QRSL1: variants seen among roughly 807,000 people sequenced by gnomAD.
QRSL1 encodes the protein glutaminyl-tRNA amidotransferase subunit QRSL1.
A neutral mutation model predicts 61.6 loss-of-function variants in QRSL1; 54 were observed. The observed-to-expected ratio is 0.88, with a 90% CI of 0.70 to 1.10. The LOEUF (loss-of-function observed/expected upper bound fraction) is 1.10, where lower values mean the gene tolerates loss of function less well. Ranked by LOEUF, QRSL1 falls within the 50% of genes least tolerant of loss-of-function variation. QRSL1 has a pLI of 0.00. For synonymous variants in QRSL1, 228 were observed against 225.7 expected (o/e 1.01, Z -0.09); for missense variants, 505 against 622.6 (o/e 0.81, Z 2.01).
intron 10 of QRSL1, among the ~76,000 whole-genome samples, 182 bp downstream of exon 10, chr6:106,663,367 T>TG (rs1417592999): frequency 6.6e-6 from 1 of 152,200 alleles, no homozygotes; most frequent in African/African-American, 2.4e-5. Context: ...AAGAAATACC[T>TG]GAGACTGGAT....
intron 1 of QRSL1, among the ~76,000 whole-genome samples, chr6:106,638,846 T>C (rs576604804): frequency 7.2e-5 from 11 of 152,292 alleles, no homozygotes; most frequent in African/African-American, 2.6e-4. Flanking sequence ...ATTTACTCAG[T>C]AGCTAAGAGC....
At chr6:106,651,218 G>A (rs534195319) in intron 5 of QRSL1, among the ~76,000 whole-genome samples, 13 of 151,968 alleles carry the variant, frequency 8.6e-5, no homozygotes, top group African/African-American at 2.2e-4. Context: ...CTCCAGGTCC[G>A]TTTTTTGTTT....
At chr6:106,662,504 T>C (rs536933765) in intron 9 of QRSL1, among the ~76,000 whole-genome samples, 87 of 144,142 alleles carry the variant, frequency 6.0e-4, no homozygotes, top group Middle Eastern at 3.5e-3. Flanking sequence ...TTTTTTTTTT[T>C]CCCTAAACAA....
intron 7 of QRSL1, 194 bp downstream of exon 7, chr6:106,652,776 C>A: frequency 6.7e-7 from 1 of 1,494,938 alleles, no homozygotes; most frequent in South Asian, 1.4e-5. Context: ...ATACTGACTT[C>A]AGAGAGGTTT....
intron 2 of QRSL1, 103 bp from the exon 3 acceptor site, chr6:106,640,720 A>G (rs563755808): frequency 2.7e-6 from 3 of 1,131,160 alleles, no homozygotes; most frequent in African/African-American, 3.1e-5. Context: ...TTTTCTGAAG[A>G]AGTATCTTTG....
chr6:106,655,058 T>G, intron 8 of QRSL1, 136 bp downstream of exon 8: 1 of 821,752 alleles, frequency 1.2e-6, no homozygotes, highest in Non-Finnish European at 1.9e-6. Flanking sequence ...TCATTTTACC[T>G]TTGTCATTTT....
intron 1 of QRSL1, among the ~76,000 whole-genome samples, chr6:106,639,603 T>C (rs1427326577): frequency 1.3e-5 from 2 of 152,244 alleles, no homozygotes; most frequent in Non-Finnish European, 2.9e-5. Context: ...TTTTACTTAT[T>C]GTTATTCATC....
chr6:106,640,598 A>G (rs1777002316), intron 2 of QRSL1, 90 bp downstream of exon 2: 1 of 1,223,536 alleles, frequency 8.2e-7, no homozygotes, highest in African/African-American at 1.5e-5. Context: ...GAAGCTTTAA[A>G]CATAAACCAT....
intron 4 of QRSL1, among the ~76,000 whole-genome samples, chr6:106,644,954 C>T (rs1215940092): frequency 1.3e-5 from 2 of 152,150 alleles, no homozygotes; most frequent in Admixed American, 6.5e-5. Context: ...ATTTATTCAA[C>T]ATATGGATGT....
chr6:106,636,603 G>A (rs552957028), intron 1 of QRSL1, among the ~76,000 whole-genome samples: 141 of 152,278 alleles, frequency 9.3e-4, no homozygotes, highest in African/African-American at 3.1e-3. Context: ...ACAGGCATGA[G>A]CCACCGCGCC....
intron 9 of QRSL1, among the ~76,000 whole-genome samples, chr6:106,656,041 A>G (rs1206388185): frequency 6.6e-6 from 1 of 152,256 alleles, no homozygotes; most frequent in Non-Finnish European, 1.5e-5. Context: ...ATAAAAAGTA[A>G]TACAAATTAA....
Position 106,636,571 on chromosome 6 carries a change from G to A in QRSL1, c.25-3778G>A, listed in dbSNP as rs941714551. ...CTTGACCTTGTAATCTGCCCGCCTT[G>A]GCCTCCCAAAGTGCTGGGATTACAG... On this transcript the variant is annotated intron_variant, in intron 1 of 10. Transcript: ENST00000369046. 1.4e-4 allele frequency among the ~76,000 whole-genome samples: 22 copies of A among 152,022 alleles called. 1 individual carries two copies. The highest frequency in any genetic ancestry group is 7.7e-4 in the East Asian group (4 of 5,190).
chr6:106,636,513 G>T (rs546975401), intron 1 of QRSL1, among the ~76,000 whole-genome samples: 4 of 152,126 alleles, frequency 2.6e-5, no homozygotes, highest in Non-Finnish European at 5.9e-5. Flanking sequence ...TAGAGACGGG[G>T]TTTCACCGTG....
chr6:106,636,981 C>T (rs1042841888), intron 1 of QRSL1, among the ~76,000 whole-genome samples: 3 of 152,162 alleles, frequency 2.0e-5, no homozygotes, highest in Non-Finnish European at 4.4e-5. Flanking sequence ...TTTTCTGGGT[C>T]AGAAGTCAGG....
Position 106,654,771 on chromosome 6 carries a change from T to C in QRSL1, c.891T>C (p.Leu297=). 6.2e-7 allele frequency: 1 copy of C among 1,612,724 alleles called. No homozygotes were observed. The highest frequency in any genetic ancestry group is 1.1e-5 in the South Asian group (1 of 90,876). The change falls in exon 8 of 11, where the codon CTT becomes CTC. Residue 297 remains leucine, a synonymous_variant. Transcript: ENST00000369046. ...VPELSSEVQS[L]WSKAADLFES... The stretch of plus-strand genomic sequence containing the variant: ...AATTATCAAGTGAAGTACAGTCTCT[T>C]TGGTCCAAAGCTGCTGACCTCTTTG...
chr6:106,638,129 A>G (rs115423910), intron 1 of QRSL1, among the ~76,000 whole-genome samples: 1 of 152,150 alleles, frequency 6.6e-6, no homozygotes, highest in Non-Finnish European at 1.5e-5. Flanking sequence ...CAACTTAGCC[A>G]TGGGATGGGC....
At chr6:106,634,645 A>G (rs1423773770) in intron 1 of QRSL1, among the ~76,000 whole-genome samples, 1 of 152,102 alleles carries the variant, frequency 6.6e-6, no homozygotes, top group Non-Finnish European at 1.5e-5. Context: ...GCATGCCTTT[A>G]GTCCCAGCTG....
chr6:106,654,527 TA>T (rs2114712852), intron 7 of QRSL1, among the ~76,000 whole-genome samples: 2 of 152,344 alleles, frequency 1.3e-5, no homozygotes, highest in Admixed American at 1.3e-4. Flanking sequence ...TAATATCTAG[TA>T]CTGTGCTTTG....
At chr6:106,652,079 G>A in intron 5 of QRSL1, 130 bp from the exon 6 acceptor site, 1 of 903,180 alleles carries the variant, frequency 1.1e-6, no homozygotes, top group Non-Finnish European at 1.6e-6. Context: ...TGAATTCTCT[G>A]AGATGAACAT....
Sources: gnomAD v4.1 joint callset for allele counts (sites outside exome capture counted in the v4.1 genomes callset) on GRCh38, gnomAD v4.1.1 for gene constraint, MANE v1.5 for transcripts, NCBI Gene and HGNC (gene_info 2026-07-23, HGNC 2026-07-21) for gene names.